Variants in NSD2 observed in about 807,000 individuals in gnomAD.
NSD2 encodes nuclear receptor binding SET domain protein 2.
Under a neutral mutation model 139.0 loss-of-function variants are expected in NSD2, and 12 were observed. The observed-to-expected ratio is 0.09, with a 90% CI of 0.06 to 0.14. The LOEUF (loss-of-function observed/expected upper bound fraction) is 0.14. NSD2 is among the 10% of genes least tolerant of loss of function. The pLI is 1.00. For synonymous variants in NSD2, 669 were observed against 648.7 expected (o/e 1.03, Z -0.48); for missense variants, 1,155 against 1,745.0 (o/e 0.66, Z 6.02).
rs1320912778 is a variant in NSD2 at position 1,974,650 on chromosome 4, T to C, written c.3373-213T>C. ...TGTCCTCCCCGGCGCTCACTAAGGC[T>C]CGGTCCTCTCCACGTGGTCCTGACC... On this transcript the variant is annotated intron_variant, in intron 18 of 21. Coordinates refer to ENST00000508803, the MANE Select transcript of NSD2 (RefSeq NM_001042424.3). This position sits in a 1 kb window ranked among gnomAD's most constrained non-coding sequence, Gnocchi z 4.0. 1 of 757,654 alleles carries C rather than the reference T, an allele frequency of 1.3e-6. No homozygotes were observed. The allele number at this position is 757,654 out of a possible 1,614,324, so 46.9% of individuals were successfully genotyped here. A position where few individuals can be genotyped will look rare whatever the true frequency, so the allele number is the denominator to read the frequency against.
Position 1,955,373 on chromosome 4 carries a change from C to G in NSD2, c.2518+33C>G. 1 of 1,582,784 alleles carries G rather than the reference C, an allele frequency of 6.3e-7. No individual in the cohort carries two copies. Among genetic ancestry groups the G allele is most frequent in the Non-Finnish European group, 8.6e-7 (1 of 1,160,862 alleles). On this transcript the variant is annotated intron_variant, in intron 13 of 21. Transcript: ENST00000508803. The surrounding 1 kb of genome is among the most constrained non-coding windows in gnomAD (Gnocchi z 4.7). Reference sequence around the variant, plus strand: ...GCCTGGGGGTGTCTGCGGCACACGCCTCTCACACTCCCAGGAGCCACATAT... The same window carrying G: ...GCCTGGGGGTGTCTGCGGCACACGCGTCTCACACTCCCAGGAGCCACATAT...
chr4:1,922,036 T>C (rs1189416267), intron 5 of NSD2, among the ~76,000 whole-genome samples: 1 of 152,050 alleles, frequency 6.6e-6, no homozygotes, highest in Admixed American at 6.6e-5. Flanking sequence ...TAATCCCAGC[T>C]ACTCAGGAGG....
At chr4:1,921,658 T>C (rs1246865512) in intron 5 of NSD2, among the ~76,000 whole-genome samples, 1 of 151,230 alleles carries the variant, frequency 6.6e-6, no homozygotes, top group Non-Finnish European at 1.5e-5. Context: ...GGCGAGCGCC[T>C]GTAATCCCAG....
Position 1,976,690 on chromosome 4 carries a change from A to G in NSD2, c.3826+11A>G. 1 of 1,558,346 alleles carries G rather than the reference A, an allele frequency of 6.4e-7. No homozygotes were observed. The highest frequency in any genetic ancestry group is 8.7e-7 in the Non-Finnish European group (1 of 1,151,198). On this transcript the variant is annotated intron_variant, in intron 21 of 21. Coordinates refer to ENST00000508803, the MANE Select transcript of NSD2 (RefSeq NM_001042424.3). The surrounding 1 kb of genome is among the most constrained non-coding windows in gnomAD (Gnocchi z 5.3). ...GCAAGCGGCCCTTCGGTGGGTGTGC[A>G]GCCTCGCGGTGGCTTGCAGCTGTGT... is the stretch of plus-strand genomic sequence containing the variant.
chr4:1,878,189 T>C (rs1202307200), intron 1 of NSD2, among the ~76,000 whole-genome samples: 1 of 137,762 alleles, frequency 7.3e-6, no homozygotes, highest in Non-Finnish European at 1.5e-5. Context: ...GCCTCCCAAG[T>C]AGCTGGGATT....
chr4:1,901,293 C>A, intron 2 of NSD2, 42 bp downstream of exon 2: 1 of 1,509,698 alleles, frequency 6.6e-7, no homozygotes, highest in Non-Finnish European at 8.8e-7. Flanking sequence ...TGACCTTGAG[C>A]AGTGAGCATG....
intron 18 of NSD2, among the ~76,000 whole-genome samples, chr4:1,967,655 C>T (rs1726027684): frequency 6.6e-6 from 1 of 152,030 alleles, no homozygotes; most frequent in Non-Finnish European, 1.5e-5. Context: ...TGTTGCCAGA[C>T]ACTGAGGTTT....
Position 1,978,732 on chromosome 4 carries a change from C to T in NSD2, c.3921C>T (p.His1307=). 1.9e-6 allele frequency: 3 copies of T among 1,614,182 alleles called. No homozygotes were observed. The highest frequency in any genetic ancestry group is 2.7e-5 in the African/African-American group (2 of 75,058). The change falls in exon 22 of 22, where the codon CAC becomes CAT. Residue 1307 remains histidine, a synonymous_variant. Coordinates refer to ENST00000508803, the MANE Select transcript of NSD2 (RefSeq NM_001042424.3). ...HLCPNSFCKE[H]QDGTAFSCTP... ...GCCCCAATTCGTTCTGTAAGGAGCA[C>T]CAGGACGGGACAGCCTTCAGCTGCA... is the stretch of plus-strand genomic sequence containing the variant.
At chr4:1,874,014 C>T (rs1714066870) in intron 1 of NSD2, among the ~76,000 whole-genome samples, 1 of 152,230 alleles carries the variant, frequency 6.6e-6, no homozygotes, top group African/African-American at 2.4e-5. Context: ...CAGGCACACT[C>T]AGCCTTCCTG....
In NSD2 at chr4:1,916,944, G is replaced by C. The variant is rs773417934; in HGVS notation, c.834G>C (p.Glu278Asp). The C allele has an allele frequency of 2.2e-5, 36 of 1,614,048 alleles. No homozygotes were observed. Among genetic ancestry groups the C allele is most frequent in the African/African-American group, 4.0e-5 (3 of 74,930 alleles). ...CCCCAGAAAGAGCTTGGATATTTGA[G>C]AAGAGCCTCGTAGCTTTTGAAGGAG... Reference protein sequence around the residue: ...GDAPERAWIFEKSLVAFEGEG... With the variant: ...GDAPERAWIFDKSLVAFEGEG... The change falls in exon 4 of 22, where the codon GAG becomes GAC. Residue 278 changes from glutamate to aspartate, a missense_variant. Physicochemically the swap from Glu to Asp is conservative, Grantham distance 45 (BLOSUM62 2). Around this residue, in one of 8 missense-constraint regions of NSD2, gnomAD observed 420 missense variants for 469.0 expected, o/e 0.90. Transcript: ENST00000508803.
chr4:1,882,221 C>T (rs1201297703), intron 1 of NSD2, among the ~76,000 whole-genome samples: 1 of 152,082 alleles, frequency 6.6e-6, no homozygotes, highest in African/African-American at 2.4e-5. Context: ...AGCCCTGTCT[C>T]CTTGAAATGT....
At position 1,955,130 on chromosome 4, in the gene NSD2, G is replaced by T; in HGVS notation, c.2339-31G>T. The T allele has an allele frequency of 6.3e-7, 1 of 1,577,924 alleles. No individual in the cohort carries two copies. The highest frequency in any genetic ancestry group is 8.7e-7 in the Non-Finnish European group (1 of 1,151,844). On this transcript the variant is annotated intron_variant, in intron 12 of 21. Transcript: ENST00000508803. This position sits in a 1 kb window ranked among gnomAD's most constrained non-coding sequence, Gnocchi z 4.7. ...TCACTATGACTGGAGTCAGTGTTTG[G>T]GGTCCTTAGGGTGTGTTTCTTTGCC...
Position 1,981,723 on chromosome 4 carries a change from C to T in NSD2, c.*2814C>T, listed in dbSNP as rs564244848. 5.0e-6 allele frequency: 2 copies of T among 396,082 alleles called. No homozygotes were observed. The highest frequency in any genetic ancestry group is 1.4e-4 in the South Asian group (1 of 7,058). The allele number at this position is 396,082 out of a possible 1,614,324, so 24.5% of individuals were successfully genotyped here. A position where few individuals can be genotyped will look rare whatever the true frequency, so the allele number is the denominator to read the frequency against. Reference sequence around the variant, plus strand: ...GTCTGTCTTGACATCTAAACCCCGGCGTGTGCAGTGCCCATCTTCCAGGAC... The same window carrying T: ...GTCTGTCTTGACATCTAAACCCCGGTGTGTGCAGTGCCCATCTTCCAGGAC... On this transcript the variant is annotated 3_prime_UTR_variant, in exon 22 of 22. Coordinates refer to ENST00000508803, the MANE Select transcript of NSD2 (RefSeq NM_001042424.3).
chr4:1,876,474 T>A (rs987956493), intron 1 of NSD2, among the ~76,000 whole-genome samples: 7 of 152,084 alleles, frequency 4.6e-5, no homozygotes, highest in Admixed American at 2.6e-4. Flanking sequence ...GAGGATCACT[T>A]GAGACTAGGA....
Position 1,956,974 on chromosome 4 carries a change from T to C in NSD2, c.2881+786T>C, listed in dbSNP as rs1033896894. ...GATCTCATAAAGAATGGGTAGGCAT[T>C]GAAAGATTTTAAAAAATTATTAAGA... On this transcript the variant is annotated intron_variant, in intron 15 of 21. Coordinates refer to ENST00000508803, the MANE Select transcript of NSD2 (RefSeq NM_001042424.3). The surrounding 1 kb of genome is among the most constrained non-coding windows in gnomAD (Gnocchi z 5.3). Among the ~76,000 whole-genome samples the C allele has an allele frequency of 3.9e-5, 6 of 152,186 alleles. No homozygotes were observed. The highest frequency in any genetic ancestry group is 7.4e-5 in the Non-Finnish European group (5 of 68,024).
In NSD2 at chr4:1,953,987, A is replaced by AT. The variant is rs750322460; in HGVS notation, c.2338+476dup. On this transcript the variant is annotated intron_variant, in intron 12 of 21. Coordinates refer to ENST00000508803, the MANE Select transcript of NSD2 (RefSeq NM_001042424.3). ...CACCACACCTGGCTGATTTTTGTAA[A>AT]TTTTTTTTTTTTTGGAGAAAAAAAA... Among the ~76,000 whole-genome samples, 772 of 133,142 alleles carry AT rather than the reference A, an allele frequency of 5.8e-3. 5 individuals are homozygous for AT. The highest frequency in any genetic ancestry group is 0.012 in the Middle Eastern group (3 of 244). 87.3% of individuals were successfully genotyped at this position (133,142 alleles called of 152,430 possible).
At chr4:1,895,224 T>C (rs1716105730) in intron 1 of NSD2, among the ~76,000 whole-genome samples, 1 of 152,218 alleles carries the variant, frequency 6.6e-6, no homozygotes, top group African/African-American at 2.4e-5. Flanking sequence ...GTAATAGTGC[T>C]CCTGTGAACA....
intron 3 of NSD2, among the ~76,000 whole-genome samples, chr4:1,906,141 A>T (rs566317317): frequency 1.3e-5 from 2 of 152,200 alleles, no homozygotes; most frequent in African/African-American, 4.8e-5. Context: ...ATATTTACTT[A>T]TTTATATGAT....
chr4:1,974,632 C>T lies in NSD2; in HGVS notation c.3373-231C>T. ...AGCTCCAGCTCCCTGTCCTGTCCTCCCCGGCGCTCACTAAGGCTCGGTCCT... is the reference window on the plus strand; with the variant it reads ...AGCTCCAGCTCCCTGTCCTGTCCTCTCCGGCGCTCACTAAGGCTCGGTCCT... On this transcript the variant is annotated intron_variant, in intron 18 of 21. Coordinates refer to ENST00000508803, the MANE Select transcript of NSD2 (RefSeq NM_001042424.3). The surrounding 1 kb of genome is among the most constrained non-coding windows in gnomAD (Gnocchi z 4.0). 1.4e-6 allele frequency: 1 copy of T among 698,292 alleles called. No homozygotes were observed. Among genetic ancestry groups the T allele is most frequent in the South Asian group, 1.4e-5 (1 of 70,828 alleles). The allele number at this position is 698,292 out of a possible 1,614,324, so 43.3% of individuals were successfully genotyped here.
Sources: gnomAD v4.1 joint callset for allele counts (sites outside exome capture counted in the v4.1 genomes callset) on GRCh38, gnomAD v4.1.1 for gene constraint, gnomAD v4.1.1 regional missense constraint, Gnocchi (gnomAD v3.1) non-coding constraint, MANE v1.5 for transcripts, NCBI Gene and HGNC (gene_info 2026-07-23, HGNC 2026-07-21) for gene names.